Variants in KAZN observed in about 807,000 individuals in gnomAD.
KAZN encodes the protein kazrin, periplakin interacting protein.
In KAZN, 40 loss-of-function variants were observed where a neutral mutation model predicts 87.4. The ratio of observed to expected loss-of-function variants is 0.46; its 90% CI spans 0.36 to 0.60. The LOEUF is 0.60. Ranked by LOEUF, KAZN falls within the 20% of genes least tolerant of loss-of-function variation. KAZN has a pLI of 0.00. For missense variants in KAZN, 898 were observed against 1,073.9 expected (o/e 0.84, Z 2.29); for synonymous variants, 466 against 458.3 (o/e 1.02, Z -0.22).
At chr1:14,556,508 T>C (rs1673887629) in intron 2 of KAZN, among the ~76,000 whole-genome samples, 1 of 152,122 alleles carries the variant, frequency 6.6e-6, no homozygotes, top group African/African-American at 2.4e-5. Context: ...GCTAGAAATT[T>C]GTGTCTTCAA....
intron 1 of KAZN, among the ~76,000 whole-genome samples, chr1:14,959,656 G>A (rs1663601529): frequency 6.6e-6 from 1 of 152,176 alleles, no homozygotes; most frequent in African/African-American, 2.4e-5. Context: ...CCTAAGTGAG[G>A]TTTCCTCCTT....
chr1:14,114,381 A>G (rs6664316), intron 1 of KAZN, among the ~76,000 whole-genome samples: 48,765 of 151,606 alleles, frequency 0.32, 8,491 homozygotes, highest in East Asian at 0.56. Flanking sequence ...GCAGGATATG[A>G]CTCTGGCGAT....
chr1:14,094,901 T>C (rs1414484492), intron 1 of KAZN, among the ~76,000 whole-genome samples: 2 of 152,188 alleles, frequency 1.3e-5, no homozygotes, highest in Admixed American at 6.5e-5. Context: ...AGCAGATTAA[T>C]GTTTCTGCAA....
At chr1:14,275,444 C>CTGTGTGTGTGTGTGTG (rs60684981) in intron 2 of KAZN, among the ~76,000 whole-genome samples, 21 of 136,964 alleles carry the variant, frequency 1.5e-4, no homozygotes, top group South Asian at 7.7e-4. Flanking sequence ...GTGGTAAATA[C>CTGTGTGTGTGTGTGTG]TGTGTGTGTG....
At chr1:14,448,069 G>A (rs1393600489) in intron 2 of KAZN, among the ~76,000 whole-genome samples, 1 of 152,208 alleles carries the variant, frequency 6.6e-6, no homozygotes, top group Non-Finnish European at 1.5e-5. Context: ...GACAAACTGT[G>A]GTTAAGATTG....
chr1:14,059,481 T>C (rs58390043), intron 1 of KAZN, among the ~76,000 whole-genome samples: 8,110 of 152,292 alleles, frequency 0.053, 593 homozygotes, highest in African/African-American at 0.16. Flanking sequence ...AAGGTTATCT[T>C]ACCTTCTGCC....
At chr1:14,432,080 G>T (rs1410438991) in intron 2 of KAZN, among the ~76,000 whole-genome samples, 1 of 152,156 alleles carries the variant, frequency 6.6e-6, no homozygotes, top group African/African-American at 2.4e-5. Flanking sequence ...CAAAGACTAT[G>T]TGACTTTCAC....
Position 15,099,536 on chromosome 1 carries a change from G to A in KAZN, c.1548-2007G>A, listed in dbSNP as rs909765190. 2.6e-5 allele frequency among the ~76,000 whole-genome samples: 4 copies of A among 152,130 alleles called. No homozygotes were observed. The highest frequency in any genetic ancestry group is 4.4e-5 in the Non-Finnish European group (3 of 68,016). On this transcript the variant is annotated intron_variant, in intron 10 of 14. Transcript: ENST00000376030. The surrounding 1 kb of genome is among the most constrained non-coding windows in gnomAD (Gnocchi z 5.4). The stretch of plus-strand genomic sequence containing the variant: ...TGGGCAGGGTTGCAAGGGGCTGGCC[G>A]GGGAGGGGAATGGGGGGTGAAGAGC...
intron 1 of KAZN, 111 bp from the exon 2 acceptor site, chr1:14,960,573 C>CA: frequency 8.7e-7 from 1 of 1,144,948 alleles, no homozygotes; most frequent in Non-Finnish European, 1.2e-6. Flanking sequence ...TAGGAAAGGC[C>CA]CTGAATGCAG....
chr1:14,090,273 C>T (rs1643945091), intron 1 of KAZN, among the ~76,000 whole-genome samples: 2 of 152,144 alleles, frequency 1.3e-5, no homozygotes, highest in Admixed American at 1.3e-4. Flanking sequence ...TTGATATTGT[C>T]CCTCATCTCA....
intron 2 of KAZN, among the ~76,000 whole-genome samples, chr1:14,377,638 A>G (rs917933470): frequency 6.6e-6 from 1 of 152,214 alleles, no homozygotes; most frequent in Admixed American, 6.5e-5. Context: ...ACTGGGCAAC[A>G]AAACTAAGGT....
chr1:13,910,538 A>T (rs6429803), intron 1 of KAZN, among the ~76,000 whole-genome samples: 11 of 150,506 alleles, frequency 7.3e-5, no homozygotes, highest in South Asian at 2.1e-4. Context: ...CACCTCCCCC[A>T]CCTTGCTCCT....
intron 1 of KAZN, among the ~76,000 whole-genome samples, chr1:13,942,043 T>C (rs71629863): frequency 0.14 from 21,085 of 152,034 alleles, 1,548 homozygotes; most frequent in Middle Eastern, 0.22. Flanking sequence ...ATATTGAAAT[T>C]AAGGTCTGCT....
intron 13 of KAZN, among the ~76,000 whole-genome samples, chr1:15,106,083 C>CCTCCTGCTGGGCAGGCGCTATG (rs1224162631): frequency 1.3e-5 from 2 of 152,112 alleles, no homozygotes; most frequent in East Asian, 3.9e-4. Flanking sequence ...AGTTCAAGAT[C>CCTCCTGCTGGGCAGGCGCTATG]AGCCTGGGCA....
chr1:14,437,445 A>T lies in KAZN; in HGVS notation c.250-161538A>T, dbSNP rs1357264299. 2.6e-5 allele frequency among the ~76,000 whole-genome samples: 4 copies of T among 152,238 alleles called. No homozygotes were observed. In the East Asian group the frequency reaches 7.7e-4, roughly 29 times the overall value. On this transcript the variant is annotated intron_variant, in intron 2 of 16. Coordinates refer to the KAZN transcript ENST00000636203. Reference sequence around the variant, plus strand: ...CACGAGAAATGATGCTTTATGCTGGACAAAGAGAATTAGACAGTGAGACCT... The same window carrying T: ...CACGAGAAATGATGCTTTATGCTGGTCAAAGAGAATTAGACAGTGAGACCT...
chr1:14,749,382 T>C (rs546140826), intron 1 of KAZN, among the ~76,000 whole-genome samples: 1 of 152,366 alleles, frequency 6.6e-6, no homozygotes, highest in African/African-American at 2.4e-5. Flanking sequence ...GCATCAGTTA[T>C]AGCCACCGAA....
intron 1 of KAZN, among the ~76,000 whole-genome samples, chr1:14,178,795 A>T (rs2100301382): frequency 6.6e-6 from 1 of 152,260 alleles, no homozygotes; most frequent in Non-Finnish European, 1.5e-5. Context: ...ATTTTGTTCC[A>T]CTTCTATAAA....
At chr1:14,791,547 C>T (rs1206320137) in intron 1 of KAZN, among the ~76,000 whole-genome samples, 1 of 152,208 alleles carries the variant, frequency 6.6e-6, no homozygotes, top group Non-Finnish European at 1.5e-5. Flanking sequence ...GAGGAATGTG[C>T]CTCTGGTCCC....
chr1:14,915,134 C>T (rs991971111), intron 1 of KAZN, among the ~76,000 whole-genome samples: 1 of 152,142 alleles, frequency 6.6e-6, no homozygotes, highest in African/African-American at 2.4e-5. Flanking sequence ...TTGCGGTGAG[C>T]CAAGATCGTG....
Sources: allele counts gnomAD v4.1 joint callset (sites outside exome capture counted in the v4.1 genomes callset), GRCh38; gene constraint gnomAD v4.1.1; non-coding constraint Gnocchi (gnomAD v3.1); transcripts MANE v1.5; gene names NCBI Gene and HGNC (gene_info 2026-07-23, HGNC 2026-07-21).